The following GALNT9 variants were observed in gnomAD, a reference collection of about 807,000 sequenced individuals.
GALNT9 encodes polypeptide N-acetylgalactosaminyltransferase 9.
A neutral mutation model predicts 63.1 loss-of-function variants in GALNT9; 47 were observed. That is an observed-to-expected ratio of 0.75 (90% CI 0.59 to 0.95). The LOEUF is 0.95. Ranked by LOEUF, GALNT9 falls within the 40% of genes least tolerant of loss-of-function variation. The pLI, the probability that GALNT9 is intolerant of heterozygous loss-of-function variation, is 0.00. For synonymous variants in GALNT9, 396 were observed against 365.7 expected (o/e 1.08, Z -0.94); for missense variants, 829 against 874.8 (o/e 0.95, Z 0.66).
At position 132,327,566 on chromosome 12, in the gene GALNT9, T is replaced by G. The variant is rs537994178; in HGVS notation, c.238+1400A>C. Among the ~76,000 whole-genome samples the G allele has an allele frequency of 7.9e-5, 12 of 152,330 alleles. No homozygotes were observed. The South Asian group carries it at 2.3e-3, about 29-fold the overall frequency. Reference sequence around the variant, plus strand: ...CACACTTCAATAGAGCCATGTGCTATTGCCGGGCACACCGCCTTCCGGGAG... The same window carrying G: ...CACACTTCAATAGAGCCATGTGCTAGTGCCGGGCACACCGCCTTCCGGGAG... On this transcript the variant is annotated intron_variant, in intron 1 of 10. Coordinates refer to ENST00000328957, the MANE Select transcript of GALNT9 (RefSeq NM_001122636.2). This position sits in a 1 kb window ranked among gnomAD's most constrained non-coding sequence, Gnocchi z 4.3.
chr12:132,259,114 C>T (rs529126375), intron 4 of GALNT9, among the ~76,000 whole-genome samples: 1 of 152,374 alleles, frequency 6.6e-6, no homozygotes, highest in African/African-American at 2.4e-5. Flanking sequence ...TAGCGAAGTG[C>T]TTCAGAGATG....
chr12:132,262,166 G>A (rs1348840389), intron 3 of GALNT9, among the ~76,000 whole-genome samples: 1 of 152,222 alleles, frequency 6.6e-6, no homozygotes, highest in African/African-American at 2.4e-5. Flanking sequence ...GATTTGGGGT[G>A]AGCTCTGTGT....
chr12:132,201,146 T>C lies in GALNT9; in HGVS notation c.1379A>G (p.Asn460Ser), dbSNP rs1401692460. 6.2e-7 allele frequency: 1 copy of C among 1,613,342 alleles called. No individual in the cohort carries two copies. Among genetic ancestry groups the C allele is most frequent in the South Asian group, 1.1e-5 (1 of 90,892 alleles). The change falls in exon 8 of 11, where the codon AAC becomes AGC. Residue 460 changes from asparagine to serine, a missense_variant. By Grantham distance (46) the Asn-to-Ser change is conservative. Transcript: ENST00000328957. ...TACCTCTCCGTACGTGAGGGTGTTG[T>C]TGTAGACCCTCATCTCCGGGTACAC... The part of the protein sequence containing the change: ...ENVYPEMRVY[N>S]NTLTYGEVRN...
Position 132,329,025 on chromosome 12 carries a change from C to T in GALNT9, c.179G>A (p.Arg60His), listed in dbSNP as rs1566026968. 1.3e-5 allele frequency: 20 copies of T among 1,544,410 alleles called. No homozygotes were observed. Among genetic ancestry groups the T allele is most frequent in the African/African-American group, 2.7e-5 (2 of 72,970 alleles). ...GTCCAGGCGCTGCAGGATGGCCTCA[C>T]GGTCCCCCAGCGTGCCCACCTTGGC... ...RHAKVGTLGD[R>H]EAILQRLDHL... The change falls in exon 1 of 11, where the codon CGT becomes CAT. Residue 60 changes from arginine to histidine, a missense_variant. Arg to His is a conservative substitution (Grantham distance 29). Coordinates refer to ENST00000328957, the MANE Select transcript of GALNT9 (RefSeq NM_001122636.2).
intron 1 of GALNT9, among the ~76,000 whole-genome samples, chr12:132,311,887 C>T (rs1368894153): frequency 6.6e-6 from 1 of 152,226 alleles, no homozygotes; most frequent in East Asian, 1.9e-4. Flanking sequence ...TCCCTTGCCC[C>T]TCTCTTTATT....
At chr12:132,291,436 G>T (rs1406093767) in intron 1 of GALNT9, among the ~76,000 whole-genome samples, 4 of 113,378 alleles carry the variant, frequency 3.5e-5, no homozygotes, top group African/African-American at 1.5e-4. Flanking sequence ...CACAACCACA[G>T]CGCCCACGTC....
intron 1 of GALNT9, among the ~76,000 whole-genome samples, chr12:132,314,808 C>T (rs556505462): frequency 2.6e-5 from 4 of 152,316 alleles, no homozygotes; most frequent in East Asian, 1.9e-4. Flanking sequence ...TCCAATTTCC[C>T]GTGGAATCCT....
chr12:132,198,321 G>A (rs1875698844), intron 9 of GALNT9, among the ~76,000 whole-genome samples: 2 of 152,188 alleles, frequency 1.3e-5, no homozygotes, highest in South Asian at 2.1e-4. Context: ...GTGTGTGAGC[G>A]GAACACGCAT....
At position 132,296,437 on chromosome 12, in the gene GALNT9, T is replaced by C. The variant is rs533769249; in HGVS notation, c.239-10007A>G. 4.6e-5 allele frequency among the ~76,000 whole-genome samples: 7 copies of C among 152,356 alleles called. No homozygotes were observed. The highest frequency in any genetic ancestry group is 1.7e-4 in the African/African-American group (7 of 41,578). ...ATGGGTGTCTTCCTGGGCTGCGTGA[T>C]ATCAATCCCAAGTTTTCCTCTTTGA... On this transcript the variant is annotated intron_variant, in intron 1 of 10. Coordinates refer to ENST00000328957, the MANE Select transcript of GALNT9 (RefSeq NM_001122636.2). This position sits in a 1 kb window ranked among gnomAD's most constrained non-coding sequence, Gnocchi z 4.2.
intron 2 of GALNT9, chr12:132,272,962 C>A (rs1879923488): frequency 6.6e-6 from 1 of 152,360 alleles, no homozygotes; most frequent in Non-Finnish European, 1.5e-5. Context: ...CGCACACGGG[C>A]CTTAGGGCCC....
In GALNT9 at chr12:132,248,041, A is replaced by G; in HGVS notation, c.960-14T>C. ...ATGGCTGGGGTCCTGGGAGGCAGAGACAGCGGCGTGAGGACCTCGCCATGC... is the reference window on the plus strand; with the variant it reads ...ATGGCTGGGGTCCTGGGAGGCAGAGGCAGCGGCGTGAGGACCTCGCCATGC... On this transcript the variant is annotated splice_polypyrimidine_tract_variant and intron_variant, in intron 5 of 10. Coordinates refer to ENST00000328957, the MANE Select transcript of GALNT9 (RefSeq NM_001122636.2). The G allele has an allele frequency of 6.5e-7, 1 of 1,545,332 alleles. No individual in the cohort carries two copies. The highest frequency in any genetic ancestry group is 1.2e-5 in the South Asian group (1 of 83,096).
At chr12:132,268,787 C>T (rs1269950377) in intron 2 of GALNT9, among the ~76,000 whole-genome samples, 1 of 152,178 alleles carries the variant, frequency 6.6e-6, no homozygotes. Context: ...CAGGTGCCCC[C>T]CTCGGCGGCC....
At chr12:132,320,880 C>A (rs1184141321) in intron 1 of GALNT9, among the ~76,000 whole-genome samples, 3 of 152,226 alleles carry the variant, frequency 2.0e-5, no homozygotes, top group Admixed American at 6.5e-5. Flanking sequence ...TTGCTCCGGG[C>A]ATCCCCCCTT....
rs1396054637 is a variant in GALNT9, at chr12:132,327,643, C to A, written c.238+1323G>T. On this transcript the variant is annotated intron_variant, in intron 1 of 10. Coordinates refer to ENST00000328957, the MANE Select transcript of GALNT9 (RefSeq NM_001122636.2). This position sits in a 1 kb window ranked among gnomAD's most constrained non-coding sequence, Gnocchi z 4.3. ...CGGCTGCTTGAACTACTTTTCTCCC[C>A]TCGTGGCTCCAGCTGAATCAGAAAG... 6.6e-6 allele frequency among the ~76,000 whole-genome samples: 1 copy of A among 152,178 alleles called. No individual in the cohort carries two copies. Among genetic ancestry groups the A allele is most frequent in the Non-Finnish European group, 1.5e-5 (1 of 68,038 alleles).
At position 132,319,721 on chromosome 12, in the gene GALNT9, A is replaced by G. The variant is rs1868692496; in HGVS notation, c.238+9245T>C. ...CACACACACAGCTGTACCCGGCACA[A>G]CACGCGGCCACAGGTCACCTCAGGT... On this transcript the variant is annotated intron_variant, in intron 1 of 10. Coordinates refer to ENST00000328957, the MANE Select transcript of GALNT9 (RefSeq NM_001122636.2). This position sits in a 1 kb window ranked among gnomAD's most constrained non-coding sequence, Gnocchi z 5.2. Among the ~76,000 whole-genome samples the G allele has an allele frequency of 6.6e-6, 1 of 152,140 alleles. No individual in the cohort carries two copies. Among genetic ancestry groups the G allele is most frequent in the Admixed American group, 6.5e-5 (1 of 15,278 alleles).
intron 6 of GALNT9, among the ~76,000 whole-genome samples, chr12:132,229,247 C>G (rs1334776254): frequency 2.0e-5 from 3 of 152,248 alleles, no homozygotes; most frequent in Admixed American, 6.5e-5. Context: ...CCACTTAGGC[C>G]TCTCCACCGC....
In GALNT9 at chr12:132,252,134, C is replaced by T. The variant is rs561476990; in HGVS notation, c.960-4107G>A. Among the ~76,000 whole-genome samples, 1 of 152,292 alleles carries T rather than the reference C, an allele frequency of 6.6e-6. No homozygotes were observed. Among genetic ancestry groups the T allele is most frequent in the Admixed American group, 6.5e-5 (1 of 15,304 alleles). ...TAGAACAGGGTGGAGGCCAACAGGG[C>T]AGCCACCTCCACAGGCCCAGGCAGT... On this transcript the variant is annotated intron_variant, in intron 5 of 10. Transcript: ENST00000328957. This position sits in a 1 kb window ranked among gnomAD's most constrained non-coding sequence, Gnocchi z 5.2.
rs1880378699 is a variant in GALNT9 at position 132,282,162 on chromosome 12, C to T, written c.419+4088G>A. Among the ~76,000 whole-genome samples the T allele has an allele frequency of 6.8e-6, 1 of 147,868 alleles. No individual in the cohort carries two copies. Among genetic ancestry groups the T allele is most frequent in the Admixed American group, 6.6e-5 (1 of 15,056 alleles). ...CGATCCCACAGAGGAGGAATCAGCT[C>T]CACTACAGCAAGCCCAGGCCTGGGG... On this transcript the variant is annotated intron_variant, in intron 2 of 10. Coordinates refer to ENST00000328957, the MANE Select transcript of GALNT9 (RefSeq NM_001122636.2). The surrounding 1 kb of genome is among the most constrained non-coding windows in gnomAD (Gnocchi z 4.5).
rs951183937 is a variant in GALNT9 at position 132,201,252 on chromosome 12, C to T, written c.1273G>A (p.Val425Met). The part of the protein sequence containing the change: ...AWNIPMSNPG[V>M]DFGDVSERLA... ...CTCTCAGACACGTCCCCGAAGTCCA[C>T]CCCTGGGTTCTGCAAGGCCAGAAGT... is the stretch of plus-strand genomic sequence containing the variant. Residue 425 changes from valine (V) to methionine (M), a missense_variant, in exon 8 of 11, where the codon GTG (valine) becomes ATG (methionine). Physicochemically the swap from Val to Met is conservative, Grantham distance 21 (BLOSUM62 1). Transcript: ENST00000328957. 3 of 1,612,544 alleles carry T rather than the reference C, an allele frequency of 1.9e-6. No homozygotes were observed. Among genetic ancestry groups the T allele is most frequent in the East Asian group, 2.2e-5 (1 of 44,866 alleles).
Sources: allele counts gnomAD v4.1 joint callset (sites outside exome capture counted in the v4.1 genomes callset), GRCh38; gene constraint gnomAD v4.1.1; non-coding constraint Gnocchi (gnomAD v3.1); transcripts MANE v1.5; gene names NCBI Gene and HGNC (gene_info 2026-07-23, HGNC 2026-07-21).